Variants in SLC35F3 observed in about 807,000 individuals in gnomAD.
SLC35F3 encodes solute carrier family 35 member F3, also known as putative thiamine transporter SLC35F3.
Under a neutral mutation model 49.9 loss-of-function variants are expected in SLC35F3, and 25 were observed. That is an observed-to-expected ratio of 0.50 (90% CI 0.37 to 0.70). The LOEUF is 0.70. SLC35F3 is among the 30% of genes least tolerant of loss of function. SLC35F3 has a pLI of 0.00. For synonymous variants in SLC35F3, 275 were observed against 265.4 expected, an observed-to-expected ratio of 1.04 and a Z score of -0.35; for missense variants, 525 against 639.8, an observed-to-expected ratio of 0.82 and a Z score of 1.94.
At position 233,905,102 on chromosome 1, in the gene SLC35F3, G is replaced by T; in HGVS notation, c.25G>T (p.Gly9Cys). 1 of 1,562,910 alleles carries T rather than the reference G, an allele frequency of 6.4e-7. No homozygotes were observed. Among genetic ancestry groups the T allele is most frequent in the Non-Finnish European group, 8.7e-7 (1 of 1,152,468 alleles). MGIREFPS[G>C]APRGKSIAVG... ...TATGGGGATTCGAGAGTTTCCCAGC[G>T]GCGCACCCAGGGGCAAGAGCATTGC... Residue 9 changes from glycine (G) to cysteine (C), a missense_variant, in exon 1 of 8, where the codon GGC becomes TGC. Transcript: ENST00000366618.
At chr1:234,317,843 G>A (rs1657526601) in intron 5 of SLC35F3, among the ~76,000 whole-genome samples, 1 of 152,146 alleles carries the variant, frequency 6.6e-6, no homozygotes, top group Non-Finnish European at 1.5e-5. Flanking sequence ...CTAATGAGAA[G>A]CAAAAAACAG....
chr1:234,021,318 A>G (rs1440400229), intron 2 of SLC35F3, among the ~76,000 whole-genome samples: 2 of 152,174 alleles, frequency 1.3e-5, no homozygotes, highest in Non-Finnish European at 2.9e-5. Context: ...GGATTTTGAT[A>G]TTGTGTTCTA....
rs995776184 is a variant in SLC35F3, at chr1:234,027,637, G to A, written c.283+121879G>A. Among the ~76,000 whole-genome samples, 10 of 152,100 alleles carry A rather than the reference G, an allele frequency of 6.6e-5. No homozygotes were observed. The highest frequency in any genetic ancestry group is 2.4e-4 in the African/African-American group (10 of 41,400). ...CTGGTCACAGATAGTAGAAAGAAAGGGACAGATGTGAATGATAGTGAGAAA... is the reference window on the plus strand; with the variant it reads ...CTGGTCACAGATAGTAGAAAGAAAGAGACAGATGTGAATGATAGTGAGAAA... On this transcript the variant is annotated intron_variant, in intron 2 of 7. Transcript: ENST00000366618. This position sits in a 1 kb window ranked among gnomAD's most constrained non-coding sequence, Gnocchi z 4.1.
intron 2 of SLC35F3, among the ~76,000 whole-genome samples, chr1:234,056,907 T>C (rs1336765583): frequency 1.3e-5 from 2 of 152,212 alleles, no homozygotes; most frequent in African/African-American, 4.8e-5. Flanking sequence ...GCATCATTTG[T>C]TGAAAAGACT....
intron 2 of SLC35F3, among the ~76,000 whole-genome samples, chr1:234,200,264 G>A (rs1225380948): frequency 6.6e-6 from 1 of 152,048 alleles, no homozygotes; most frequent in Admixed American, 6.5e-5. Flanking sequence ...TGTTGGCCTT[G>A]GTATATCTTC....
chr1:233,963,522 C>T (rs1385129352), intron 2 of SLC35F3, among the ~76,000 whole-genome samples: 11 of 151,944 alleles, frequency 7.2e-5, no homozygotes. Flanking sequence ...AGGATGGTCT[C>T]GATCTCCTGA....
chr1:234,184,616 G>A (rs1666607078), intron 2 of SLC35F3, among the ~76,000 whole-genome samples: 1 of 152,206 alleles, frequency 6.6e-6, no homozygotes, highest in Non-Finnish European at 1.5e-5. Context: ...GGCCAGAGCA[G>A]GTGGGAGGAG....
intron 2 of SLC35F3, among the ~76,000 whole-genome samples, chr1:234,032,211 A>G (rs1012553094): frequency 1.8e-4 from 27 of 152,082 alleles, no homozygotes; most frequent in Admixed American, 3.9e-4. Context: ...CCAGCCATCT[A>G]GTCTCCAGTT....
chr1:234,153,421 C>A (rs1666103548), intron 2 of SLC35F3, among the ~76,000 whole-genome samples: 1 of 151,932 alleles, frequency 6.6e-6, no homozygotes, highest in Non-Finnish European at 1.5e-5. Flanking sequence ...CCAGCCTGGG[C>A]AACATAGCGA....
chr1:234,211,340 G>A (rs550052171), intron 2 of SLC35F3, among the ~76,000 whole-genome samples: 4 of 152,310 alleles, frequency 2.6e-5, no homozygotes, highest in Admixed American at 1.3e-4. Context: ...TATGAGAAGA[G>A]GGCCACTGTC....
chr1:234,192,191 G>C (rs1358800344), intron 2 of SLC35F3, among the ~76,000 whole-genome samples: 14 of 152,094 alleles, frequency 9.2e-5, no homozygotes, highest in Admixed American at 9.2e-4. Flanking sequence ...GATGAACATA[G>C]ATGCAAAAAT....
chr1:234,108,638 A>T (rs1228334879), intron 2 of SLC35F3, among the ~76,000 whole-genome samples: 1 of 119,596 alleles, frequency 8.4e-6, no homozygotes, highest in Non-Finnish European at 1.6e-5. Flanking sequence ...ATATATTTAT[A>T]TATAAAAGAT....
chr1:234,249,294 C>T (rs1450586140), intron 3 of SLC35F3, among the ~76,000 whole-genome samples: 1 of 152,192 alleles, frequency 6.6e-6, no homozygotes. Context: ...ACATATCTAG[C>T]TTCTTTCACA....
intron 2 of SLC35F3, among the ~76,000 whole-genome samples, chr1:234,177,069 G>C (rs111375892): frequency 0.073 from 11,138 of 152,240 alleles, 1,300 homozygotes; most frequent in African/African-American, 0.25. Flanking sequence ...CGGGAGGTGA[G>C]TGAATCATGC....
At chr1:233,949,207 T>C (rs987469636) in intron 2 of SLC35F3, among the ~76,000 whole-genome samples, 15 of 152,160 alleles carry the variant, frequency 9.9e-5, no homozygotes, top group Non-Finnish European at 1.8e-4. Flanking sequence ...CTCCTAACTT[T>C]TCCTCGAATG....
At chr1:234,137,716 C>T (rs937557663) in intron 2 of SLC35F3, among the ~76,000 whole-genome samples, 1 of 152,044 alleles carries the variant, frequency 6.6e-6, no homozygotes, top group African/African-American at 2.4e-5. Flanking sequence ...TGAAAGTATG[C>T]GTTGGAAAGA....
At chr1:234,281,146 A>T (rs888885314) in intron 3 of SLC35F3, among the ~76,000 whole-genome samples, 1 of 151,938 alleles carries the variant, frequency 6.6e-6, no homozygotes, top group Non-Finnish European at 1.5e-5. Context: ...ATGTAACTGC[A>T]TTTGGAGATA....
intron 2 of SLC35F3, among the ~76,000 whole-genome samples, chr1:233,908,466 C>T (rs1661811261): frequency 6.6e-6 from 1 of 151,268 alleles, no homozygotes; most frequent in East Asian, 1.9e-4. Flanking sequence ...ATTACCTTTG[C>T]TCAGTATTCT....
At chr1:233,912,544 G>T (rs1176535769) in intron 2 of SLC35F3, among the ~76,000 whole-genome samples, 1 of 152,114 alleles carries the variant, frequency 6.6e-6, no homozygotes, top group Non-Finnish European at 1.5e-5. Context: ...CTACTTTCTA[G>T]GATTGTCGTG....
Sources: allele counts gnomAD v4.1 joint callset (sites outside exome capture counted in the v4.1 genomes callset), GRCh38; gene constraint gnomAD v4.1.1; non-coding constraint Gnocchi (gnomAD v3.1); transcripts MANE v1.5; gene names NCBI Gene and HGNC (gene_info 2026-07-23, HGNC 2026-07-21).